PLXNA2: variants seen among roughly 807,000 people sequenced by gnomAD.
PLXNA2 encodes the protein plexin-A2.
In PLXNA2, 91 loss-of-function variants were observed where a neutral mutation model predicts 193.5. The ratio of observed to expected loss-of-function variants is 0.47; its 90% CI spans 0.40 to 0.56. The LOEUF (loss-of-function observed/expected upper bound fraction) is 0.56, where lower values mean the gene tolerates loss of function less well. Among genes scored for constraint, PLXNA2 ranks in the 20% least tolerant of loss-of-function variants. The pLI, the probability that PLXNA2 is intolerant of heterozygous loss-of-function variation, is 0.00. For missense variants in PLXNA2, 1,995 were observed against 2,503.2 expected, an observed-to-expected ratio of 0.80 and a Z score of 4.33; for synonymous variants, 997 against 1,027.3, an observed-to-expected ratio of 0.97 and a Z score of 0.56.
chr1:208,086,064 G>A (rs1388583310), intron 9 of PLXNA2, among the ~76,000 whole-genome samples: 2 of 152,124 alleles, frequency 1.3e-5, no homozygotes, highest in Non-Finnish European at 2.9e-5. Context: ...CCCTGCCCCT[G>A]CCCCTGCACT....
At chr1:208,110,569 G>A (rs956718065) in intron 4 of PLXNA2, among the ~76,000 whole-genome samples, 1 of 152,226 alleles carries the variant, frequency 6.6e-6, no homozygotes, top group African/African-American at 2.4e-5. Context: ...CGCATGCCAG[G>A]CACGTCACAT....
chr1:208,071,855 A>G (rs1377926785), intron 12 of PLXNA2, among the ~76,000 whole-genome samples: 1 of 152,212 alleles, frequency 6.6e-6, no homozygotes, highest in Non-Finnish European at 1.5e-5. Flanking sequence ...GGGACTTTGC[A>G]GTGAGTCACT....
intron 14 of PLXNA2, 120 bp from the exon 15 acceptor site, chr1:208,052,583 C>T (rs1035199367): frequency 2.3e-6 from 2 of 888,304 alleles, no homozygotes; most frequent in African/African-American, 3.3e-5. Flanking sequence ...CTTGTCCTGT[C>T]CTTTTCAATC....
chr1:208,120,756 G>A (rs1222053092), intron 4 of PLXNA2, among the ~76,000 whole-genome samples: 1 of 152,156 alleles, frequency 6.6e-6, no homozygotes, highest in Admixed American at 6.5e-5. Context: ...CTGGCCTGGT[G>A]GACTCAGAGA....
At chr1:208,180,894 T>C (rs1465140786) in intron 3 of PLXNA2, among the ~76,000 whole-genome samples, 1 of 152,218 alleles carries the variant, frequency 6.6e-6, no homozygotes, top group Non-Finnish European at 1.5e-5. Context: ...GTAACCGCTA[T>C]TGGCCCTGGC....
At chr1:208,190,558 C>T (rs969336132) in intron 3 of PLXNA2, among the ~76,000 whole-genome samples, 4 of 152,212 alleles carry the variant, frequency 2.6e-5, no homozygotes, top group Non-Finnish European at 5.9e-5. Context: ...CTATCGACAT[C>T]ATGGACCAGA....
chr1:208,044,981 G>C lies in PLXNA2; in HGVS notation c.3639+86C>G. The C allele has an allele frequency of 2.0e-6, 3 of 1,508,888 alleles. No individual in the cohort carries two copies. The highest frequency in any genetic ancestry group is 2.7e-6 in the Non-Finnish European group (3 of 1,092,194). The allele number at this position is 1,508,888 out of a possible 1,614,324, so 93.5% of individuals were successfully genotyped here. ...ATATGGAGGGGGTGAGTCAGGCAAC[G>C]AGACAGAAGAGAGCCTTTCCTTAGG... On this transcript the variant is annotated intron_variant, in intron 19 of 31. Coordinates refer to ENST00000367033, the MANE Select transcript of PLXNA2 (RefSeq NM_025179.4). The surrounding 1 kb of genome is among the most constrained non-coding windows in gnomAD (Gnocchi z 4.9).
At chr1:208,131,547 G>A (rs1020579623) in intron 4 of PLXNA2, among the ~76,000 whole-genome samples, 1 of 152,120 alleles carries the variant, frequency 6.6e-6, no homozygotes, top group Non-Finnish European at 1.5e-5. Context: ...GTGTCATTCC[G>A]GGGCCCCCTG....
intron 3 of PLXNA2, among the ~76,000 whole-genome samples, chr1:208,185,039 C>T (rs763288071): frequency 1.3e-5 from 2 of 152,170 alleles, no homozygotes; most frequent in African/African-American, 4.8e-5. Flanking sequence ...CAGCCCCCTC[C>T]CTACTCCTGG....
In PLXNA2 at chr1:208,042,995, G is replaced by A. The variant is rs1238397329; in HGVS notation, c.4017+66C>T. On this transcript the variant is annotated intron_variant, in intron 21 of 31. Coordinates refer to ENST00000367033, the MANE Select transcript of PLXNA2 (RefSeq NM_025179.4). The stretch of plus-strand genomic sequence containing the variant: ...TACTCAGTACTGCTGAGTCTCATCT[G>A]GATTTCCTAGGATACCCTGGGCCTG... 3.2e-6 allele frequency: 5 copies of A among 1,555,568 alleles called. No homozygotes were observed. The Admixed American group carries it at 8.5e-5, about 26-fold the overall frequency.
At chr1:208,205,553 T>C (rs902453852) in intron 3 of PLXNA2, among the ~76,000 whole-genome samples, 13 of 152,348 alleles carry the variant, frequency 8.5e-5, no homozygotes, top group Admixed American at 6.5e-4. Flanking sequence ...TCTTCCCTTT[T>C]CTGCTCCTCT....
rs1368422459 is a variant in PLXNA2, at chr1:208,024,145, T to C, written c.*3098A>G. On this transcript the variant is annotated 3_prime_UTR_variant, in exon 32 of 32. Transcript: ENST00000367033. The stretch of plus-strand genomic sequence containing the variant: ...TCCTTTTCCAGAGCATTGTCTCTTG[T>C]GCAGATCAATGAAACGAAGCGAAGC... 1 of 152,276 alleles carries C rather than the reference T, an allele frequency of 6.6e-6. No individual in the cohort carries two copies. The highest frequency in any genetic ancestry group is 2.4e-5 in the African/African-American group (1 of 41,472). 9.4% of individuals were successfully genotyped at this position (152,276 alleles called of 1,614,324 possible).
chr1:208,217,193 T>C lies in PLXNA2; in HGVS notation c.730A>G (p.Ile244Val), dbSNP rs755720443. 3.1e-6 allele frequency: 5 copies of C among 1,614,124 alleles called. No individual in the cohort carries two copies. The highest frequency in any genetic ancestry group is 4.2e-6 in the Non-Finnish European group (5 of 1,180,042). The change falls in exon 2 of 32, where the codon ATC (isoleucine) becomes GTC (valine). Residue 244 changes from isoleucine to valine, a missense_variant. Physicochemically the swap from Ile to Val is conservative, Grantham distance 29. Coordinates refer to ENST00000367033, the MANE Select transcript of PLXNA2 (RefSeq NM_025179.4). This position sits in a 1 kb window ranked among gnomAD's most constrained non-coding sequence, Gnocchi z 4.7. The part of the protein sequence containing the change: ...ALVSHFDIFY[I>V]YGFASGGFVY... ...AAGCCCCCACTAGCAAAGCCGTAGATGTAGAAGATGTCAAAGTGGGAGACC... is the reference window on the plus strand; with the variant it reads ...AAGCCCCCACTAGCAAAGCCGTAGACGTAGAAGATGTCAAAGTGGGAGACC...
At chr1:208,099,008 G>C in intron 5 of PLXNA2, 39 bp from the exon 6 acceptor site, 1 of 1,607,610 alleles carries the variant, frequency 6.2e-7, no homozygotes, top group Non-Finnish European at 8.5e-7. Context: ...CAGGCCTCTG[G>C]GACCCATCTG....
At chr1:208,220,048 CCT>C (rs1314669575) in intron 1 of PLXNA2, among the ~76,000 whole-genome samples, 2 of 152,174 alleles carry the variant, frequency 1.3e-5, no homozygotes, top group African/African-American at 2.4e-5. Flanking sequence ...ATTCTCTGCC[CCT>C]GTCGCTGGGA....
intron 9 of PLXNA2, among the ~76,000 whole-genome samples, chr1:208,084,868 G>T (rs1666460234): frequency 6.6e-6 from 1 of 152,146 alleles, no homozygotes; most frequent in Admixed American, 6.5e-5. Flanking sequence ...TGAGACACTG[G>T]ATAAAAGAGC....
intron 3 of PLXNA2, among the ~76,000 whole-genome samples, chr1:208,160,540 G>A (rs372586957): frequency 7.2e-5 from 11 of 152,222 alleles, no homozygotes; most frequent in African/African-American, 9.6e-5. Flanking sequence ...ACACAGGAAC[G>A]TCATCTCATT....
chr1:208,038,982 G>A lies in PLXNA2; in HGVS notation c.4503C>T (p.Ile1501=). ...CGTTGTCAGGGTTGACGCAGTTCAG[G>A]ATCTACAAGTAGGGGACAGAGGGTG... is the stretch of plus-strand genomic sequence containing the variant. ...IRQQIEYKTL[I]LNCVNPDNEN... Residue 1501 remains isoleucine (I), a splice_region_variant and synonymous_variant, in exon 25 of 32, where the codon ATC becomes ATT. Coordinates refer to ENST00000367033, the MANE Select transcript of PLXNA2 (RefSeq NM_025179.4). The surrounding 1 kb of genome is among the most constrained non-coding windows in gnomAD (Gnocchi z 4.1). 6.2e-7 allele frequency: 1 copy of A among 1,613,754 alleles called. No homozygotes were observed. The highest frequency in any genetic ancestry group is 1.7e-4 in the Middle Eastern group (1 of 6,060).
In PLXNA2 at chr1:208,022,471, A is replaced by T. The variant is rs1191554232; in HGVS notation, c.*4772T>A. 1 of 152,618 alleles carries T rather than the reference A, an allele frequency of 6.6e-6. No homozygotes were observed. The highest frequency in any genetic ancestry group is 1.5e-5 in the Non-Finnish European group (1 of 68,032). 9.5% of individuals were successfully genotyped at this position (152,618 alleles called of 1,614,324 possible). A position where few individuals can be genotyped will look rare whatever the true frequency, so the allele number is the denominator to read the frequency against. ...GTAAAAACAACAAAACCAGACAACC[A>T]TCATTGTATTTTCTTAAAAATATAT... On this transcript the variant is annotated 3_prime_UTR_variant, in exon 32 of 32. Transcript: ENST00000367033.
Sources: gnomAD v4.1 joint callset for allele counts (sites outside exome capture counted in the v4.1 genomes callset) on GRCh38, gnomAD v4.1.1 for gene constraint, Gnocchi (gnomAD v3.1) non-coding constraint, MANE v1.5 for transcripts, NCBI Gene and HGNC (gene_info 2026-07-23, HGNC 2026-07-21) for gene names.